The following ARL15 variants were observed in gnomAD, a reference collection of about 807,000 sequenced individuals.
ARL15 encodes ADP-ribosylation factor-like protein 15.
Under a neutral mutation model 25.2 loss-of-function variants are expected in ARL15, and 19 were observed. The ratio of observed to expected loss-of-function variants is 0.75; its 90% confidence interval spans 0.53 to 1.10. The LOEUF is 1.10. ARL15 is among the 50% of genes least tolerant of loss of function. ARL15 has a pLI of 0.00. For synonymous variants in ARL15, 94 were observed against 86.8 expected, an observed-to-expected ratio of 1.08 and a Z score of -0.46; for missense variants, 220 against 246.0, an observed-to-expected ratio of 0.89 and a Z score of 0.71.
intron 4 of ARL15, among the ~76,000 whole-genome samples, chr5:53,952,325 T>A (rs1175018841): frequency 6.6e-6 from 1 of 152,128 alleles, no homozygotes; most frequent in Admixed American, 6.5e-5. Context: ...GCACAGACAA[T>A]AACTGTTTTT....
chr5:53,909,029 T>C lies in ARL15; in HGVS notation c.463-22316A>G, dbSNP rs534360949. ...ATTCATAGGTGGAGTCTTCAGCTTC[T>C]AAATTATTCGGGAGAGTAATAACAA... is the stretch of plus-strand genomic sequence containing the variant. On this transcript the variant is annotated intron_variant, in intron 4 of 4. Coordinates refer to ENST00000504924, the MANE Select transcript of ARL15 (RefSeq NM_019087.3). Among the ~76,000 whole-genome samples the C allele has an allele frequency of 2.0e-5, 3 of 152,336 alleles. No homozygotes were observed. The South Asian group carries it at 6.2e-4, about 32-fold the overall frequency.
chr5:53,907,488 A>ATATATATTTTTGT (rs1360900279), intron 4 of ARL15, among the ~76,000 whole-genome samples: 1 of 18,016 alleles, frequency 5.6e-5, no homozygotes, highest in African/African-American at 2.9e-4. Context: ...ATATATATAT[A>ATATATATTTTTGT]TTTTTTTTTT....
At chr5:54,147,911 CAGA>C (rs1329658504) in intron 3 of ARL15, among the ~76,000 whole-genome samples, 1 of 152,082 alleles carries the variant, frequency 6.6e-6, no homozygotes, top group Non-Finnish European at 1.5e-5. Context: ...GCATGAGTCT[CAGA>C]GCCAGTGATT....
chr5:54,096,898 G>GA (rs540490735), intron 4 of ARL15, among the ~76,000 whole-genome samples: 113 of 152,174 alleles, frequency 7.4e-4, no homozygotes, highest in African/African-American at 2.7e-3. Context: ...ATTTAATGTT[G>GA]AACAAAATTC....
chr5:54,227,280 C>T (rs1756550898), intron 1 of ARL15, among the ~76,000 whole-genome samples: 1 of 152,178 alleles, frequency 6.6e-6, no homozygotes, highest in South Asian at 2.1e-4. Flanking sequence ...ATGACAGGAT[C>T]CCTACACAGC....
At chr5:54,188,808 T>C (rs756564862) in intron 1 of ARL15, among the ~76,000 whole-genome samples, 3 of 152,182 alleles carry the variant, frequency 2.0e-5, no homozygotes, top group Non-Finnish European at 2.9e-5. Context: ...TGAAATTTTC[T>C]TAGAGGGCTT....
At chr5:54,237,744 T>C (rs1156755020) in intron 1 of ARL15, among the ~76,000 whole-genome samples, 6 of 152,218 alleles carry the variant, frequency 3.9e-5, no homozygotes, top group Admixed American at 1.3e-4. Context: ...GGTGATCCTT[T>C]GTAGAATTTG....
intron 4 of ARL15, among the ~76,000 whole-genome samples, chr5:54,052,810 C>A (rs564457413): frequency 1.3e-5 from 2 of 152,038 alleles, no homozygotes; most frequent in Non-Finnish European, 2.9e-5. Flanking sequence ...AGCAATAATA[C>A]CCCAGTGGCA....
intron 1 of ARL15, among the ~76,000 whole-genome samples, chr5:54,244,070 T>C (rs1757025481): frequency 6.6e-6 from 1 of 152,164 alleles, no homozygotes; most frequent in Non-Finnish European, 1.5e-5. Context: ...TTCCATAAAA[T>C]GACAAAACTA....
At chr5:54,080,097 C>T (rs898089687) in intron 4 of ARL15, among the ~76,000 whole-genome samples, 2 of 152,030 alleles carry the variant, frequency 1.3e-5, no homozygotes, top group African/African-American at 2.4e-5. Flanking sequence ...TTTCTATGAA[C>T]AAGGCCCTAT....
At chr5:53,986,494 C>G (rs934871738) in intron 4 of ARL15, among the ~76,000 whole-genome samples, 1 of 152,216 alleles carries the variant, frequency 6.6e-6, no homozygotes, top group Admixed American at 6.5e-5. Flanking sequence ...CCAGCCTCCA[C>G]TCCAGACATC....
intron 4 of ARL15, among the ~76,000 whole-genome samples, chr5:54,004,636 CT>C (rs1748957815): frequency 6.6e-6 from 1 of 152,152 alleles, no homozygotes; most frequent in Admixed American, 6.5e-5. Flanking sequence ...TGATTGCCGC[CT>C]CTCTATCACA....
intron 4 of ARL15, among the ~76,000 whole-genome samples, chr5:53,915,683 T>C (rs574299463): frequency 1.3e-5 from 2 of 152,298 alleles, no homozygotes; most frequent in East Asian, 1.9e-4. Context: ...ATTTTAGTTG[T>C]AAAAACTTGA....
chr5:54,137,215 A>G (rs1753631503), intron 3 of ARL15, among the ~76,000 whole-genome samples: 2 of 152,104 alleles, frequency 1.3e-5, no homozygotes, highest in Admixed American at 1.3e-4. Flanking sequence ...GTCCCAAAGC[A>G]GGTTTCATAT....
At chr5:53,902,526 A>T (rs1745100667) in intron 4 of ARL15, among the ~76,000 whole-genome samples, 1 of 152,226 alleles carries the variant, frequency 6.6e-6, no homozygotes, top group Non-Finnish European at 1.5e-5. Context: ...GGTATGAAAA[A>T]ACAACAGCAG....
intron 1 of ARL15, among the ~76,000 whole-genome samples, chr5:54,234,273 G>C (rs1756744650): frequency 6.6e-6 from 1 of 151,910 alleles, no homozygotes; most frequent in South Asian, 2.1e-4. Context: ...TTACAGGCTT[G>C]AGCCACCAGG....
At chr5:54,244,799 T>TAA (rs10560131) in intron 1 of ARL15, among the ~76,000 whole-genome samples, 1 of 148,654 alleles carries the variant, frequency 6.7e-6, no homozygotes, top group African/African-American at 2.5e-5. Flanking sequence ...AAGGTAGCCA[T>TAA]AAAAAAAAAA....
chr5:54,293,835 T>A (rs114860185), intron 1 of ARL15, among the ~76,000 whole-genome samples: 31,849 of 151,970 alleles, frequency 0.21, 3,777 homozygotes, highest in African/African-American at 0.34. Flanking sequence ...ATCCTTTTTT[T>A]TTTTATTGTT....
At chr5:54,038,413 T>C (rs902611489) in intron 4 of ARL15, among the ~76,000 whole-genome samples, 5 of 152,142 alleles carry the variant, frequency 3.3e-5, no homozygotes, top group Non-Finnish European at 7.4e-5. Flanking sequence ...GTTTACTTAA[T>C]TATAATGATA....
Sources: gnomAD v4.1 joint callset for allele counts (sites outside exome capture counted in the v4.1 genomes callset) on GRCh38, gnomAD v4.1.1 for gene constraint, MANE v1.5 for transcripts, NCBI Gene and HGNC (gene_info 2026-07-23, HGNC 2026-07-21) for gene names.